Variants in ASB3 observed in about 807,000 individuals in gnomAD.
ASB3 encodes the protein ankyrin repeat and SOCS box protein 3.
A neutral mutation model predicts 54.5 loss-of-function variants in ASB3; 41 were observed. The ratio of observed to expected loss-of-function variants is 0.75; its 90% CI spans 0.59 to 0.98. The LOEUF is 0.98. ASB3 is among the 50% of genes least tolerant of loss of function. The pLI is 0.00. For missense variants in ASB3, 733 were observed against 620.0 expected (o/e 1.18, Z -1.94); for synonymous variants, 266 against 221.2 (o/e 1.20, Z -1.80).
chr2:53,768,525 G>A (rs1270615855), intron 1 of ASB3, among the ~76,000 whole-genome samples: 1 of 152,136 alleles, frequency 6.6e-6, no homozygotes, highest in Non-Finnish European at 1.5e-5. Context: ...TCTTTCAAAA[G>A]TTTTATTTTC....
intron 7 of ASB3, among the ~76,000 whole-genome samples, chr2:53,702,974 C>G (rs766300746): frequency 3.3e-5 from 5 of 152,168 alleles, no homozygotes; most frequent in African/African-American, 4.8e-5. Flanking sequence ...TCAGTTTTGT[C>G]AGATGTGCCC....
intron 5 of ASB3, among the ~76,000 whole-genome samples, chr2:53,721,498 G>T (rs1037737164): frequency 6.6e-6 from 1 of 151,996 alleles, no homozygotes; most frequent in African/African-American, 2.4e-5. Context: ...TTGAACCTGG[G>T]AGGCGGAGGT....
rs3755117 is a variant in ASB3, at chr2:53,741,828, A to G, written c.355+8955T>C. Among the ~76,000 whole-genome samples, 383 of 152,060 alleles carry G rather than the reference A, an allele frequency of 2.5e-3. 6 individuals carry two copies. The East Asian group carries it at 0.045, about 18-fold the overall frequency. On this transcript the variant is annotated intron_variant, in intron 3 of 9. Coordinates refer to ENST00000263634, the MANE Select transcript of ASB3 (RefSeq NM_016115.5). ...AGCAAGAAAAATAAAATAAAAACAC[A>G]CTCTCCATTTTTAGTAAAACTATAA...
At chr2:53,696,527 A>AT (rs1163397237) in intron 8 of ASB3, among the ~76,000 whole-genome samples, 8 of 152,044 alleles carry the variant, frequency 5.3e-5, no homozygotes, top group East Asian at 1.9e-4. Context: ...GCAATGTTTG[A>AT]TTTTTTCCCC....
chr2:53,734,537 T>C (rs1671507654), intron 3 of ASB3, among the ~76,000 whole-genome samples: 1 of 152,206 alleles, frequency 6.6e-6, no homozygotes, highest in African/African-American at 2.4e-5. Context: ...TTCCAGGTAC[T>C]AGAGATACAG....
intron 9 of ASB3, among the ~76,000 whole-genome samples, chr2:53,688,496 T>C (rs763934684): frequency 2.0e-5 from 3 of 152,166 alleles, no homozygotes; most frequent in African/African-American, 4.8e-5. Context: ...CCAGGGAAGA[T>C]AAAAATGAAA....
At chr2:53,768,289 C>A in intron 1 of ASB3, 1 of 415,282 alleles carries the variant, frequency 2.4e-6, no homozygotes, top group Non-Finnish European at 4.4e-6. Context: ...GAGCTCGCAC[C>A]AGGCTGAGTG....
chr2:53,703,539 C>T (rs908698403), intron 7 of ASB3, among the ~76,000 whole-genome samples: 10 of 152,114 alleles, frequency 6.6e-5, no homozygotes, highest in Non-Finnish European at 1.2e-4. Flanking sequence ...TTTGAGGCTG[C>T]GGTGAGCAAT....
chr2:53,759,659 A>ATTCG, intron 2 of ASB3, among the ~76,000 whole-genome samples: 1 of 152,338 alleles, frequency 6.6e-6, no homozygotes, highest in Middle Eastern at 3.4e-3. Flanking sequence ...AAGGCTGGGC[A>ATTCG]AATCGAATGC....
At position 53,774,465 on chromosome 2, in the gene ASB3, C is replaced by T. The variant is rs113078356; in HGVS notation, c.-13-8880G>A. ...CAGAAGAAGCAGATGAGCATCTTTT[C>T]GCTTTGGAAAAATTAGTAAAGGAAC... On this transcript the variant is annotated intron_variant, in intron 1 of 9. Coordinates refer to ENST00000263634, the MANE Select transcript of ASB3 (RefSeq NM_016115.5). The T allele has an allele frequency of 7.5e-5, 119 of 1,591,536 alleles. 1 individual carries two copies. In the African/African-American group the frequency reaches 1.2e-3, roughly 16 times the overall value.
At chr2:53,741,972 A>C (rs979950672) in intron 3 of ASB3, among the ~76,000 whole-genome samples, 11 of 152,320 alleles carry the variant, frequency 7.2e-5, no homozygotes, top group African/African-American at 2.6e-4. Flanking sequence ...TGCACATCTA[A>C]GAAAAAGCTA....
chr2:53,697,842 C>G (rs950140677), intron 8 of ASB3, among the ~76,000 whole-genome samples: 3 of 152,178 alleles, frequency 2.0e-5, no homozygotes, highest in African/African-American at 7.2e-5. Context: ...AGCTCCACCC[C>G]TATGACTTTG....
chr2:53,677,694 G>A (rs1668152457), intron 9 of ASB3, among the ~76,000 whole-genome samples: 1 of 152,176 alleles, frequency 6.6e-6, no homozygotes, highest in East Asian at 1.9e-4. Flanking sequence ...AGAGTTCTAA[G>A]CCTTTATCAT....
intron 8 of ASB3, among the ~76,000 whole-genome samples, chr2:53,698,572 C>A (rs772187653): frequency 6.6e-5 from 10 of 152,196 alleles, no homozygotes; most frequent in Non-Finnish European, 8.8e-5. Context: ...TAGCCTAGTT[C>A]ATCACTCTTA....
intron 5 of ASB3, among the ~76,000 whole-genome samples, chr2:53,721,068 A>G (rs979786949): frequency 6.6e-6 from 1 of 151,612 alleles, no homozygotes; most frequent in Non-Finnish European, 1.5e-5. Flanking sequence ...CAGTGAGCCA[A>G]GATCATGCCA....
At chr2:53,711,135 C>G (rs1034871751) in intron 7 of ASB3, among the ~76,000 whole-genome samples, 1 of 152,002 alleles carries the variant, frequency 6.6e-6, no homozygotes, top group Non-Finnish European at 1.5e-5. Flanking sequence ...GTCTCAAAAA[C>G]AAAACAAAAT....
At chr2:53,751,087 A>T (rs947023211) in intron 2 of ASB3, 146 bp from the exon 3 acceptor site, 1 of 1,044,760 alleles carries the variant, frequency 9.6e-7, no homozygotes, top group Non-Finnish European at 1.2e-6. Flanking sequence ...AACTATAGAA[A>T]ATCAAGAAAA....
intron 9 of ASB3, among the ~76,000 whole-genome samples, chr2:53,689,526 C>T (rs80292844): frequency 6.6e-6 from 1 of 152,180 alleles, no homozygotes; most frequent in East Asian, 1.9e-4. Flanking sequence ...GAAAGGATTA[C>T]AGACCAATGA....
At chr2:53,695,137 G>C (rs1669118660) in intron 8 of ASB3, among the ~76,000 whole-genome samples, 2 of 152,014 alleles carry the variant, frequency 1.3e-5, no homozygotes, top group Admixed American at 1.3e-4. Flanking sequence ...AACAACTGAA[G>C]AAGGAAAGGA....
Sources: gnomAD v4.1 joint callset for allele counts (sites outside exome capture counted in the v4.1 genomes callset) on GRCh38, gnomAD v4.1.1 for gene constraint, MANE v1.5 for transcripts, NCBI Gene and HGNC (gene_info 2026-07-23, HGNC 2026-07-21) for gene names.